PDE4B: variants seen among roughly 807,000 people sequenced by gnomAD.
PDE4B encodes the protein phosphodiesterase 4B.
Under a neutral mutation model 82.2 loss-of-function variants are expected in PDE4B, and 20 were observed. The ratio of observed to expected loss-of-function variants is 0.24; its 90% CI spans 0.17 to 0.35. PDE4B has a LOEUF of 0.35. PDE4B is among the 10% of genes least tolerant of loss of function. PDE4B has a pLI of 1.00. For synonymous variants in PDE4B, 320 were observed against 318.9 expected (o/e 1.00, Z -0.04); for missense variants, 655 against 907.2 (o/e 0.72, Z 3.57).
At chr1:66,317,596 T>G (rs937284758) in intron 7 of PDE4B, among the ~76,000 whole-genome samples, 8 of 152,054 alleles carry the variant, frequency 5.3e-5, no homozygotes, top group Non-Finnish European at 7.4e-5. Flanking sequence ...CTTTTCTTTA[T>G]TATTATTTTT....
chr1:66,015,833 G>T (rs1652744457), intron 3 of PDE4B, among the ~76,000 whole-genome samples: 1 of 152,160 alleles, frequency 6.6e-6, no homozygotes, highest in Non-Finnish European at 1.5e-5. Flanking sequence ...CCTGAAGTTG[G>T]CAGGTGTGTA....
intron 3 of PDE4B, among the ~76,000 whole-genome samples, chr1:65,959,250 C>A (rs1162856310): frequency 6.6e-6 from 1 of 152,204 alleles, no homozygotes; most frequent in Non-Finnish European, 1.5e-5. Flanking sequence ...ATATTTGCTT[C>A]ATTGTTTCTG....
intron 3 of PDE4B, among the ~76,000 whole-genome samples, chr1:66,153,771 C>T (rs891559321): frequency 2.0e-5 from 3 of 152,156 alleles, no homozygotes; most frequent in Admixed American, 6.5e-5. Context: ...TACCTCAATA[C>T]TCCTACATAC....
chr1:66,238,157 C>T lies in PDE4B; in HGVS notation c.282-9303C>T, dbSNP rs571424538. 9.2e-5 allele frequency among the ~76,000 whole-genome samples: 14 copies of T among 152,234 alleles called. No homozygotes were observed. The South Asian group carries it at 1.2e-3, about 14-fold the overall frequency. On this transcript the variant is annotated intron_variant, in intron 3 of 16. Transcript: ENST00000341517. Reference sequence around the variant, plus strand: ...ACCAACATTTATTCATTCATTCACTCGACAAATATTTATGTAGCACTTTCT... The same window carrying T: ...ACCAACATTTATTCATTCATTCACTTGACAAATATTTATGTAGCACTTTCT...
intron 3 of PDE4B, among the ~76,000 whole-genome samples, chr1:66,018,389 C>T (rs1013024246): frequency 3.9e-5 from 6 of 152,096 alleles, no homozygotes; most frequent in African/African-American, 1.4e-4. Flanking sequence ...CACTGCACTC[C>T]AGCCTGGGCG....
At chr1:66,311,146 G>A (rs1658642277) in intron 7 of PDE4B, among the ~76,000 whole-genome samples, 1 of 152,146 alleles carries the variant, frequency 6.6e-6, no homozygotes, top group Non-Finnish European at 1.5e-5. Context: ...GACCAGTTAT[G>A]CGGTGCAGCT....
chr1:66,090,662 T>TAC (rs2100990849), intron 3 of PDE4B, among the ~76,000 whole-genome samples: 1 of 9,542 alleles, frequency 1.0e-4, no homozygotes, highest in Admixed American at 1.3e-3. Flanking sequence ...TATATGTATG[T>TAC]ATATATGTGT....
At chr1:66,223,945 G>C (rs145226508) in intron 3 of PDE4B, among the ~76,000 whole-genome samples, 1 of 152,042 alleles carries the variant, frequency 6.6e-6, no homozygotes, top group Non-Finnish European at 1.5e-5. Flanking sequence ...TAACTTCTAC[G>C]TGCATGTAGA....
intron 3 of PDE4B, among the ~76,000 whole-genome samples, chr1:66,075,294 A>G (rs891822878): frequency 3.3e-5 from 5 of 152,054 alleles, no homozygotes; most frequent in Admixed American, 2.0e-4. Flanking sequence ...CAGCTGGGCT[A>G]TGAACATTTT....
intron 1 of PDE4B, among the ~76,000 whole-genome samples, chr1:65,868,331 G>C (rs1646534521): frequency 6.6e-6 from 1 of 152,170 alleles, no homozygotes; most frequent in African/African-American, 2.4e-5. Flanking sequence ...AGGAGACAGA[G>C]ACTGCTAAAG....
chr1:66,170,903 T>C (rs1442255823), intron 3 of PDE4B, among the ~76,000 whole-genome samples: 1 of 152,196 alleles, frequency 6.6e-6, no homozygotes, highest in East Asian at 1.9e-4. Flanking sequence ...CAGAGGAGTA[T>C]GGCCATACAT....
chr1:66,361,637 C>A lies in PDE4B; in HGVS notation c.864C>A (p.Ile288=). 2 of 1,612,590 alleles carry A rather than the reference C, an allele frequency of 1.2e-6. No homozygotes were observed. Among genetic ancestry groups the A allele is most frequent in the East Asian group, 2.2e-5 (1 of 44,846 alleles). ...CAGACAAGCAGAATGATGTGGAGATCCCATCTCCTACCCAGAAAGACAGGG... is the reference window on the plus strand; with the variant it reads ...CAGACAAGCAGAATGATGTGGAGATACCATCTCCTACCCAGAAAGACAGGG... The part of the protein sequence containing the change: ...TFLDKQNDVE[I]PSPTQKDREK... The change falls in exon 10 of 17, where the codon ATC becomes ATA. Residue 288 remains isoleucine, a synonymous_variant. Coordinates refer to ENST00000341517, the MANE Select transcript of PDE4B (RefSeq NM_002600.4).
At chr1:65,904,652 T>G (rs1647008307) in intron 1 of PDE4B, among the ~76,000 whole-genome samples, 1 of 152,166 alleles carries the variant, frequency 6.6e-6, no homozygotes, top group Non-Finnish European at 1.5e-5. Flanking sequence ...TGTTCTCTGA[T>G]AAACAATGCT....
intron 3 of PDE4B, among the ~76,000 whole-genome samples, chr1:66,038,344 G>C (rs1362423985): frequency 6.6e-6 from 1 of 152,148 alleles, no homozygotes; most frequent in African/African-American, 2.4e-5. Flanking sequence ...TTGGCAGGAA[G>C]ACAACCGAAG....
chr1:66,222,134 G>A (rs183404958), intron 3 of PDE4B, among the ~76,000 whole-genome samples: 2 of 152,150 alleles, frequency 1.3e-5, no homozygotes, highest in Non-Finnish European at 2.9e-5. Context: ...CATGACGGCT[G>A]GAGGGCCAGC....
At chr1:66,213,674 A>G (rs901360315) in intron 3 of PDE4B, among the ~76,000 whole-genome samples, 7 of 152,158 alleles carry the variant, frequency 4.6e-5, no homozygotes, top group African/African-American at 1.7e-4. Flanking sequence ...GACCACGTGT[A>G]TGGCTGGATG....
At chr1:66,173,047 A>G (rs771720714) in intron 3 of PDE4B, among the ~76,000 whole-genome samples, 27 of 152,230 alleles carry the variant, frequency 1.8e-4, no homozygotes, top group Non-Finnish European at 2.5e-4. Context: ...ATTGGTGTGT[A>G]TACAGTCTTC....
At position 66,360,669 on chromosome 1, in the gene PDE4B, G is replaced by T. The variant is rs141115375; in HGVS notation, c.842-946G>T. ...CCACCAGCATCCCTGTGGCCTGAAA[G>T]AGTTAATGCATTTTTTTCAGAAGTA... On this transcript the variant is annotated intron_variant, in intron 9 of 16. Transcript: ENST00000341517. The T allele has an allele frequency of 2.2e-3, 333 of 152,320 alleles. 4 individuals are homozygous for T. The highest frequency in any genetic ancestry group is 7.7e-3 in the African/African-American group (320 of 41,562). The allele number at this position is 152,320 out of a possible 1,614,324, so 9.4% of individuals were successfully genotyped here. A position where few individuals can be genotyped will look rare whatever the true frequency, so the allele number is the denominator to read the frequency against.
At chr1:66,202,439 C>T (rs545911063) in intron 3 of PDE4B, among the ~76,000 whole-genome samples, 1 of 152,138 alleles carries the variant, frequency 6.6e-6, no homozygotes, top group African/African-American at 2.4e-5. Context: ...CTAATGTTGA[C>T]AGTGGGGTGT....
Sources: gnomAD v4.1 joint callset for allele counts (sites outside exome capture counted in the v4.1 genomes callset) on GRCh38, gnomAD v4.1.1 for gene constraint, MANE v1.5 for transcripts, NCBI Gene and HGNC (gene_info 2026-07-23, HGNC 2026-07-21) for gene names.